FGF14: variants seen among roughly 807,000 people sequenced by gnomAD.
FGF14 encodes fibroblast growth factor 14.
Under a neutral mutation model 25.5 loss-of-function variants are expected in FGF14, and 5 were observed. The observed-to-expected ratio is 0.20, with a 90% CI of 0.10 to 0.41. The LOEUF (loss-of-function observed/expected upper bound fraction) is 0.41, where lower values mean the gene tolerates loss of function less well. Among genes scored for constraint, FGF14 ranks in the 10% least tolerant of loss-of-function variants. The pLI is 1.00. For missense variants in FGF14, 222 were observed against 320.1 expected, an observed-to-expected ratio of 0.69 and a Z score of 2.34; for synonymous variants, 138 against 118.3, an observed-to-expected ratio of 1.17 and a Z score of -1.08.
intron 1 of FGF14, among the ~76,000 whole-genome samples, chr13:101,934,546 T>C (rs570765080): frequency 4.6e-5 from 7 of 152,230 alleles, no homozygotes; most frequent in Admixed American, 1.3e-4. Context: ...TTTGTCAAAA[T>C]TCATCGATAT....
At chr13:102,060,206 C>T (rs1169576432) in intron 1 of FGF14, among the ~76,000 whole-genome samples, 1 of 151,798 alleles carries the variant, frequency 6.6e-6, no homozygotes, top group Non-Finnish European at 1.5e-5. Flanking sequence ...CCAGGCATTT[C>T]TGATAAGGGA....
At chr13:102,183,747 G>A (rs2048767986) in intron 1 of FGF14, among the ~76,000 whole-genome samples, 1 of 152,154 alleles carries the variant, frequency 6.6e-6, no homozygotes, top group Admixed American at 6.6e-5. Flanking sequence ...TAGCAGAGAG[G>A]CCATGCCAGA....
intron 1 of FGF14, among the ~76,000 whole-genome samples, chr13:101,993,193 AAAAAAAAAAAACCCACACAAAC>A (rs1338288816): frequency 3.1e-5 from 2 of 64,008 alleles, no homozygotes; most frequent in Non-Finnish European, 5.6e-5. Flanking sequence ...GCATTGATTA[AAAAAAAAAAAACCCACACAAAC>A]AAAAACAACT....
chr13:102,159,922 T>C (rs2140562452), intron 1 of FGF14, among the ~76,000 whole-genome samples: 1 of 152,340 alleles, frequency 6.6e-6, no homozygotes, highest in Admixed American at 6.5e-5. Context: ...AGTTTTATTT[T>C]TTCCAATCAG....
intron 3 of FGF14, among the ~76,000 whole-genome samples, chr13:101,753,326 C>T (rs898846656): frequency 1.3e-5 from 2 of 151,578 alleles, no homozygotes; most frequent in African/African-American, 4.9e-5. Flanking sequence ...CACACACACA[C>T]ACACGGTCTG....
At chr13:101,737,028 A>T in intron 3 of FGF14, among the ~76,000 whole-genome samples, 1 of 147,114 alleles carries the variant, frequency 6.8e-6, no homozygotes, top group Non-Finnish European at 1.5e-5. Context: ...CTATTTTTTA[A>T]TCTTATTTCA....
chr13:102,082,678 G>A (rs1300418709), intron 1 of FGF14, among the ~76,000 whole-genome samples: 1 of 152,178 alleles, frequency 6.6e-6, no homozygotes, highest in East Asian at 1.9e-4. Context: ...TTTGGGGCCG[G>A]GCGCGGTGGC....
intron 1 of FGF14, among the ~76,000 whole-genome samples, chr13:102,377,414 C>T (rs1488061452): frequency 6.6e-6 from 1 of 152,124 alleles, no homozygotes; most frequent in Non-Finnish European, 1.5e-5. Context: ...GAAATACATA[C>T]ATTATAAAAG....
chr13:102,046,426 T>C (rs914268576), intron 1 of FGF14, among the ~76,000 whole-genome samples: 2 of 152,174 alleles, frequency 1.3e-5, no homozygotes, highest in African/African-American at 4.8e-5. Flanking sequence ...TCACATGTTA[T>C]TACTATTTTA....
intron 1 of FGF14, among the ~76,000 whole-genome samples, chr13:101,948,254 T>A (rs987629245): frequency 5.3e-5 from 8 of 152,126 alleles, no homozygotes; most frequent in African/African-American, 1.7e-4. Context: ...CCACATGTAT[T>A]TTGAAATAGC....
chr13:102,353,682 G>A (rs569911229), intron 1 of FGF14, among the ~76,000 whole-genome samples: 115 of 152,148 alleles, frequency 7.6e-4, no homozygotes, highest in Non-Finnish European at 1.4e-3. Context: ...CCTGGACCTC[G>A]CTACCTCCCA....
At chr13:102,174,456 G>A (rs1242809290) in intron 1 of FGF14, among the ~76,000 whole-genome samples, 2 of 151,558 alleles carry the variant, frequency 1.3e-5, no homozygotes, top group African/African-American at 2.4e-5. Flanking sequence ...ATGAGCCACC[G>A]TGCCCAGCCA....
At chr13:102,077,974 T>C (rs573758037) in intron 1 of FGF14, among the ~76,000 whole-genome samples, 1 of 152,286 alleles carries the variant, frequency 6.6e-6, no homozygotes, top group Non-Finnish European at 1.5e-5. Context: ...AAGGAAATCT[T>C]GTGTTTGCAA....
At chr13:102,058,924 C>CAATTTCAT (rs1278944857) in intron 1 of FGF14, among the ~76,000 whole-genome samples, 1 of 147,234 alleles carries the variant, frequency 6.8e-6, no homozygotes, top group Non-Finnish European at 1.5e-5. Context: ...GCTCAACAGA[C>CAATTTCAT]CAGGAATTTC....
chr13:101,941,384 T>A (rs940123890), intron 1 of FGF14, among the ~76,000 whole-genome samples: 16 of 152,346 alleles, frequency 1.1e-4, no homozygotes, highest in African/African-American at 3.6e-4. Context: ...TGGATTTCCA[T>A]AAGTTATAAT....
intron 1 of FGF14, among the ~76,000 whole-genome samples, chr13:101,952,367 C>A (rs1392732341): frequency 2.7e-5 from 4 of 150,596 alleles, no homozygotes; most frequent in Non-Finnish European, 4.4e-5. Flanking sequence ...TCCTGTTTTT[C>A]TTTTACACCT....
intron 1 of FGF14, among the ~76,000 whole-genome samples, chr13:102,132,219 G>A (rs995814843): frequency 6.6e-6 from 1 of 152,152 alleles, no homozygotes; most frequent in African/African-American, 2.4e-5. Context: ...ACACACTGCA[G>A]AATAGTGTGC....
At chr13:102,161,670 G>GTC (rs760379695) in intron 1 of FGF14, among the ~76,000 whole-genome samples, 6,865 of 51,594 alleles carry the variant, frequency 0.13, 580 homozygotes, top group Non-Finnish European at 0.17. Context: ...AGAAGAAGAA[G>GTC]AAGAAGAAGA....
At chr13:101,735,692 T>G (rs2036138949) in intron 3 of FGF14, among the ~76,000 whole-genome samples, 2 of 151,332 alleles carry the variant, frequency 1.3e-5, no homozygotes, top group Non-Finnish European at 1.5e-5. Flanking sequence ...AAAAGCTCAT[T>G]GTTGTTATTA....
Sources: gnomAD v4.1 joint callset for allele counts (sites outside exome capture counted in the v4.1 genomes callset) on GRCh38, gnomAD v4.1.1 for gene constraint, MANE v1.5 for transcripts, NCBI Gene and HGNC (gene_info 2026-07-23, HGNC 2026-07-21) for gene names.